Variants in ANKS1B observed in about 807,000 individuals in gnomAD.
The protein encoded by ANKS1B is ankyrin repeat and sterile alpha motif domain containing 1B.
A neutral mutation model predicts 148.3 loss-of-function variants in ANKS1B; 36 were observed. The ratio of observed to expected loss-of-function variants is 0.24; its 90% confidence interval spans 0.19 to 0.32. ANKS1B has a LOEUF of 0.32. Ranked by LOEUF, ANKS1B falls within the 10% of genes least tolerant of loss-of-function variation. The pLI, the probability that ANKS1B is intolerant of heterozygous loss-of-function variation, is 1.00. For synonymous variants in ANKS1B, 542 were observed against 560.8 expected, an observed-to-expected ratio of 0.97 and a Z score of 0.47; for missense variants, 1,157 against 1,542.6, an observed-to-expected ratio of 0.75 and a Z score of 4.19.
At position 98,745,375 on chromosome 12, in the gene ANKS1B, CTTTT is replaced by C. The variant is rs71305587; in HGVS notation, c.*360_*363del. 57,048 of 885,706 alleles carry C rather than the reference CTTTT, an allele frequency of 0.064. 44 individuals are homozygous for C. The highest frequency in any genetic ancestry group is 0.071 in the Middle Eastern group (118 of 1,664). 54.9% of individuals were successfully genotyped at this position (885,706 alleles called of 1,614,324 possible). ...TAGGCAGTATTAGAGATCCCCTTTA[CTTTT>C]TTTTTTTTTTTTTTTTTTTTAAAGA... On this transcript the variant is annotated 3_prime_UTR_variant, in exon 27 of 27. Transcript: ENST00000683438.
chr12:98,885,261 A>C (rs572438775), intron 17 of ANKS1B, among the ~76,000 whole-genome samples: 1 of 152,352 alleles, frequency 6.6e-6, no homozygotes, highest in South Asian at 2.1e-4. Flanking sequence ...CCACTCAAGG[A>C]AAGGAACATT....
chr12:99,145,922 A>T (rs1352817267), intron 15 of ANKS1B, among the ~76,000 whole-genome samples: 1 of 152,022 alleles, frequency 6.6e-6, no homozygotes, highest in East Asian at 1.9e-4. Context: ...ATTGGTGAGA[A>T]TTATATGGGA....
intron 24 of ANKS1B, among the ~76,000 whole-genome samples, chr12:98,777,523 G>A (rs2098691632): frequency 2.6e-5 from 4 of 152,202 alleles, no homozygotes; most frequent in Admixed American, 2.6e-4. Context: ...CCTGAAGAAG[G>A]GTCCGTTACT....
chr12:98,893,111 A>C (rs1408684029), intron 17 of ANKS1B, among the ~76,000 whole-genome samples: 1 of 152,172 alleles, frequency 6.6e-6, no homozygotes, highest in Non-Finnish European at 1.5e-5. Context: ...TGACACTGGC[A>C]TCAAGTCTCC....
chr12:99,692,748 G>C (rs1464246227), intron 8 of ANKS1B, among the ~76,000 whole-genome samples: 1 of 152,066 alleles, frequency 6.6e-6, no homozygotes, highest in Non-Finnish European at 1.5e-5. Context: ...CTAAGCTGAT[G>C]GTGGGTTGTC....
chr12:99,417,139 A>T (rs2152697931), intron 11 of ANKS1B, among the ~76,000 whole-genome samples: 1 of 152,368 alleles, frequency 6.6e-6, no homozygotes, highest in Non-Finnish European at 1.5e-5. Flanking sequence ...CTCTTTGTCT[A>T]ACTCTAGATC....
At chr12:99,039,780 G>A (rs1003922874) in intron 17 of ANKS1B, among the ~76,000 whole-genome samples, 10 of 152,206 alleles carry the variant, frequency 6.6e-5, no homozygotes, top group African/African-American at 1.7e-4. Flanking sequence ...ATGCTGGTGC[G>A]CTGCACCCAC....
At chr12:99,150,371 A>G (rs959457171) in intron 15 of ANKS1B, among the ~76,000 whole-genome samples, 4 of 152,194 alleles carry the variant, frequency 2.6e-5, no homozygotes, top group Non-Finnish European at 5.9e-5. Flanking sequence ...GAATCATGGC[A>G]TGCCAAATGT....
At chr12:99,841,309 T>G (rs978444874) in intron 1 of ANKS1B, among the ~76,000 whole-genome samples, 2 of 152,094 alleles carry the variant, frequency 1.3e-5, no homozygotes, top group Non-Finnish European at 2.9e-5. Flanking sequence ...AGCTTTTCCC[T>G]TTTAATACAT....
chr12:99,717,707 C>T (rs1384883033), intron 8 of ANKS1B, among the ~76,000 whole-genome samples: 4 of 152,092 alleles, frequency 2.6e-5, no homozygotes, highest in Admixed American at 6.5e-5. Flanking sequence ...CCATCACGGA[C>T]GCCGAGCTTT....
intron 12 of ANKS1B, among the ~76,000 whole-genome samples, chr12:99,371,470 A>T (rs1163219382): frequency 6.6e-6 from 1 of 152,010 alleles, no homozygotes; most frequent in Non-Finnish European, 1.5e-5. Context: ...AGATCTGATG[A>T]ATTAGTTGCT....
chr12:98,843,399 T>G (rs1472244261), intron 17 of ANKS1B, among the ~76,000 whole-genome samples: 1 of 152,246 alleles, frequency 6.6e-6, no homozygotes, highest in Non-Finnish European at 1.5e-5. Flanking sequence ...CAGCTTCCCC[T>G]TTAACCTTTC....
intron 1 of ANKS1B, among the ~76,000 whole-genome samples, chr12:99,929,904 T>G (rs891411798): frequency 8.6e-5 from 13 of 151,818 alleles, no homozygotes; most frequent in African/African-American, 2.9e-4. Context: ...ACTGTAGCCT[T>G]GTAGTATAGT....
intron 1 of ANKS1B, among the ~76,000 whole-genome samples, chr12:99,853,477 G>A (rs1293231080): frequency 2.0e-5 from 3 of 152,116 alleles, no homozygotes; most frequent in South Asian, 2.1e-4. Flanking sequence ...AGATTCAGAA[G>A]AGAAATAACC....
chr12:99,864,656 C>CAGCT (rs1450173027), intron 1 of ANKS1B, among the ~76,000 whole-genome samples: 2 of 152,134 alleles, frequency 1.3e-5, no homozygotes, highest in Non-Finnish European at 2.9e-5. Flanking sequence ...CTGCAATTGC[C>CAGCT]AGCTGTCTGA....
intron 16 of ANKS1B, chr12:99,083,686 C>T (rs1450039270): frequency 1.3e-5 from 2 of 152,084 alleles, no homozygotes; most frequent in African/African-American, 4.8e-5. Flanking sequence ...ATTTCAGTGG[C>T]ATGAAGTACA....
intron 12 of ANKS1B, among the ~76,000 whole-genome samples, chr12:99,256,121 G>A (rs1449324883): frequency 4.0e-5 from 6 of 151,792 alleles, no homozygotes; most frequent in South Asian, 2.1e-4. Context: ...GTGGTGGTGC[G>A]TGCCTATAAT....
At chr12:99,393,730 T>C (rs2094152055) in intron 12 of ANKS1B, among the ~76,000 whole-genome samples, 1 of 152,146 alleles carries the variant, frequency 6.6e-6, no homozygotes, top group Non-Finnish European at 1.5e-5. Flanking sequence ...CCAACCCTCT[T>C]CTTTAATACC....
At chr12:98,922,200 A>C (rs2099802323) in intron 17 of ANKS1B, among the ~76,000 whole-genome samples, 1 of 152,126 alleles carries the variant, frequency 6.6e-6, no homozygotes, top group South Asian at 2.1e-4. Flanking sequence ...ACAATATCAT[A>C]CCCCCAGAGG....
Sources: allele counts gnomAD v4.1 joint callset (sites outside exome capture counted in the v4.1 genomes callset), GRCh38; gene constraint gnomAD v4.1.1; transcripts MANE v1.5; gene names NCBI Gene and HGNC (gene_info 2026-07-23, HGNC 2026-07-21).